PLXNA1: variants seen among roughly 807,000 people sequenced by gnomAD.
PLXNA1 encodes plexin A1.
In PLXNA1, 77 loss-of-function variants were observed where a neutral mutation model predicts 191.7. The observed-to-expected ratio is 0.40, with a 90% confidence interval of 0.33 to 0.49. The LOEUF is 0.49. PLXNA1 is among the 20% of genes least tolerant of loss of function. The probability of loss-of-function intolerance (pLI) is 0.63; values close to 1 mark genes in which losing one functional copy is unlikely to be tolerated. For synonymous variants in PLXNA1, 1,137 were observed against 1,156.4 expected, an observed-to-expected ratio of 0.98 and a Z score of 0.34; for missense variants, 2,110 against 2,660.2, an observed-to-expected ratio of 0.79 and a Z score of 4.55.
At chr3:127,033,520 G>C (rs1457155355) in intron 31 of PLXNA1, among the ~76,000 whole-genome samples, 1 of 152,192 alleles carries the variant, frequency 6.6e-6, no homozygotes. Context: ...GAGCAGAGGA[G>C]CAGCCAGAGA....
At chr3:127,003,275 G>A (rs2107626474) in intron 3 of PLXNA1, 55 bp from the exon 4 acceptor site, 1 of 1,506,574 alleles carries the variant, frequency 6.6e-7, no homozygotes, top group Non-Finnish European at 8.9e-7. Context: ...TGGGGGGTGG[G>A]GCTGGGTCAG....
In PLXNA1 at chr3:127,026,083, C is replaced by T. The variant is rs549432039; in HGVS notation, c.4363-1857C>T. 2.0e-5 allele frequency among the ~76,000 whole-genome samples: 3 copies of T among 152,338 alleles called. No individual in the cohort carries two copies. The South Asian group carries it at 6.2e-4, about 32-fold the overall frequency. On this transcript the variant is annotated intron_variant, in intron 23 of 31. Transcript: ENST00000393409. ...CACTTTTTGTTGGGCAGTTTTTGCA[C>T]ATTCCTGAGTGGGGCTGGGAGGAGT...
chr3:127,020,937 G>A (rs1256599363), intron 21 of PLXNA1, among the ~76,000 whole-genome samples: 1 of 152,220 alleles, frequency 6.6e-6, no homozygotes, highest in Non-Finnish European at 1.5e-5. Flanking sequence ...AGCGAGCCTG[G>A]CGAGGGAAAA....
chr3:127,019,455 C>T (rs1032666653), intron 20 of PLXNA1, among the ~76,000 whole-genome samples: 1 of 152,206 alleles, frequency 6.6e-6, no homozygotes, highest in Non-Finnish European at 1.5e-5. Flanking sequence ...CTCCCTTGTG[C>T]TCCCGCCTGC....
Position 127,029,424 on chromosome 3 carries a change from G to T in PLXNA1, c.4774-16G>T, listed in dbSNP as rs763477061. 4.3e-5 allele frequency: 70 copies of T among 1,612,762 alleles called. No individual in the cohort carries two copies. In the Admixed American group the frequency reaches 7.7e-4, roughly 18 times the overall value. The stretch of plus-strand genomic sequence containing the variant: ...CACCCTGGTGGGTCACAGGGTCCCT[G>T]GCCCTCTGCCCACAGGTGACAGACG... On this transcript the variant is annotated splice_polypyrimidine_tract_variant and intron_variant, in intron 26 of 31. Transcript: ENST00000393409.
intron 9 of PLXNA1, among the ~76,000 whole-genome samples, chr3:127,011,094 G>A (rs964908945): frequency 5.3e-5 from 8 of 152,228 alleles, no homozygotes; most frequent in Non-Finnish European, 1.2e-4. Flanking sequence ...CTGCCAGGGA[G>A]GTACAGCATA....
intron 8 of PLXNA1, among the ~76,000 whole-genome samples, chr3:127,007,413 C>T (rs1271480999): frequency 6.6e-6 from 1 of 152,228 alleles, no homozygotes. Flanking sequence ...CTAAGTTTGC[C>T]AAAAGGAGTC....
rs770056207 is a variant in PLXNA1, at chr3:126,989,686, A to G, written c.1093A>G (p.Ile365Val). 1.2e-6 allele frequency: 2 copies of G among 1,612,992 alleles called. No homozygotes were observed. The highest frequency in any genetic ancestry group is 1.7e-5 in the Admixed American group (1 of 60,008). The part of the protein sequence containing the change: ...SALCLFTLRA[I>V]KEKIKERIQS... Reference sequence around the variant, plus strand: ...ACTGTGCCTGTTCACGCTCAGGGCCATCAAGGAGAAGATTAAGGAGCGCAT... The same window carrying G: ...ACTGTGCCTGTTCACGCTCAGGGCCGTCAAGGAGAAGATTAAGGAGCGCAT... Residue 365 changes from isoleucine to valine, a missense_variant, in exon 2 of 32, where the codon ATC (isoleucine) becomes GTC (valine). This residue lies in a region of PLXNA1 where 903 missense variants were observed against 1,015.7 expected (regional missense o/e 0.89). Transcript: ENST00000393409.
chr3:126,993,312 A>G (rs1298012035), intron 3 of PLXNA1, among the ~76,000 whole-genome samples: 1 of 151,978 alleles, frequency 6.6e-6, no homozygotes, highest in African/African-American at 2.4e-5. Flanking sequence ...TCCTGCCCCC[A>G]TTCCTTCTCC....
Position 127,030,010 on chromosome 3 carries a change from C to G in PLXNA1, c.5007C>G (p.Asp1669Glu). The G allele has an allele frequency of 6.2e-7, 1 of 1,613,752 alleles. No homozygotes were observed. Residue 1669 changes from aspartate to glutamate, a missense_variant, in exon 28 of 32, where the codon GAC becomes GAG. Asp to Glu is a conservative substitution (Grantham distance 45). This residue lies in a region of PLXNA1 where 559 missense variants were observed against 911.5 expected (regional missense o/e 0.61). Coordinates refer to ENST00000393409, the MANE Select transcript of PLXNA1 (RefSeq NM_032242.4). The stretch of plus-strand genomic sequence containing the variant: ...ACCACCTGGACCAGCGTGAGGGTGA[C>G]CGCGGCAGCAAGATGGTCTCGGAGA... Reference protein sequence around the residue: ...NHDHLDQREGDRGSKMVSEIY... With the variant: ...NHDHLDQREGERGSKMVSEIY...
At position 127,014,124 on chromosome 3, in the gene PLXNA1, G is replaced by T; in HGVS notation, c.2410+8G>T. The T allele has an allele frequency of 6.2e-7, 1 of 1,613,496 alleles. No individual in the cohort carries two copies. The highest frequency in any genetic ancestry group is 8.5e-7 in the Non-Finnish European group (1 of 1,179,832). On this transcript the variant is annotated splice_region_variant and intron_variant, in intron 11 of 31. Coordinates refer to ENST00000393409, the MANE Select transcript of PLXNA1 (RefSeq NM_032242.4). ...ACCCACAGAACATCCAGGGTGAGTG[G>T]GCGCCCCGGCGGGGTGGGCAGTGGG... is the stretch of plus-strand genomic sequence containing the variant.
rs1300208592 is a variant in PLXNA1, at chr3:127,028,985, TCC to T, written c.4670-4_4670-3del. On this transcript the variant is annotated splice_polypyrimidine_tract_variant and splice_region_variant and intron_variant, in intron 25 of 31. Coordinates refer to ENST00000393409, the MANE Select transcript of PLXNA1 (RefSeq NM_032242.4). ...GCGGCCCCACCCTCCAGCTCCCTCC[TCC>T]CCCAGAGTGGCGCCAGGGCCGCATG... 1.2e-6 allele frequency: 2 copies of T among 1,609,558 alleles called. No homozygotes were observed. Among genetic ancestry groups the T allele is most frequent in the Non-Finnish European group, 1.7e-6 (2 of 1,178,602 alleles).
intron 3 of PLXNA1, among the ~76,000 whole-genome samples, chr3:127,002,105 C>T (rs1290900779): frequency 1.3e-5 from 2 of 152,220 alleles, no homozygotes; most frequent in African/African-American, 4.8e-5. Context: ...GCTGGGCGGC[C>T]GTGGCCTGGT....
rs775796550 is a variant in PLXNA1, at chr3:127,029,418, G to A, written c.4774-22G>A. The A allele has an allele frequency of 1.9e-6, 3 of 1,611,870 alleles. No individual in the cohort carries two copies. The East Asian group carries it at 6.7e-5, about 36-fold the overall frequency. On this transcript the variant is annotated intron_variant, in intron 26 of 31. Transcript: ENST00000393409. ...CAGGGGCACCCTGGTGGGTCACAGG[G>A]TCCCTGGCCCTCTGCCCACAGGTGA...
intron 10 of PLXNA1, among the ~76,000 whole-genome samples, chr3:127,013,675 C>T (rs1004352500): frequency 6.6e-6 from 1 of 152,226 alleles, no homozygotes; most frequent in East Asian, 1.9e-4. Context: ...CATGCTGATG[C>T]GTATTCTAGG....
chr3:127,014,667 ACGGGG>A lies in PLXNA1; in HGVS notation c.2757-37_2757-33del, dbSNP rs765905695. 5.1e-6 allele frequency: 8 copies of A among 1,554,060 alleles called. No individual in the cohort carries two copies. In the Admixed American group the frequency reaches 1.0e-4, roughly 19 times the overall value. Reference sequence around the variant, plus strand: ...CTGGGTGTGTGCGGGGCGGGACGGGACGGGGCGGGGCTCCTGCAGCCCCTGAGGCC... The same window carrying A: ...CTGGGTGTGTGCGGGGCGGGACGGGACGGGGCTCCTGCAGCCCCTGAGGCC... On this transcript the variant is annotated intron_variant, in intron 13 of 31. Coordinates refer to ENST00000393409, the MANE Select transcript of PLXNA1 (RefSeq NM_032242.4).
intron 21 of PLXNA1, 137 bp from the exon 22 acceptor site, chr3:127,021,948 A>G (rs963644814): frequency 7.6e-7 from 1 of 1,314,774 alleles, no homozygotes; most frequent in Non-Finnish European, 1.0e-6. Context: ...AGTCAGGGCA[A>G]CTTGTCACTT....
chr3:126,983,159 G>A lies in PLXNA1; in HGVS notation c.-202G>A, dbSNP rs2078938784. 6.9e-6 allele frequency among the ~76,000 whole-genome samples: 1 copy of A among 145,436 alleles called. No individual in the cohort carries two copies. The highest frequency in any genetic ancestry group is 2.5e-5 in the African/African-American group (1 of 40,630). On this transcript the variant is annotated 5_prime_UTR_variant, in exon 1 of 32. Transcript: ENST00000393409. ...TGCGCGGCCACGCAGCGGAGCCCGG[G>A]CGCGGCGGCGGCCTCGGCCTGGGCG...
intron 18 of PLXNA1, 37 bp from the exon 19 acceptor site, chr3:127,017,712 C>G: frequency 1.9e-6 from 3 of 1,613,156 alleles, no homozygotes; most frequent in East Asian, 2.2e-5. Flanking sequence ...GAAGAGGCCC[C>G]TCGTCCTGGG....
Sources: gnomAD v4.1 joint callset for allele counts (sites outside exome capture counted in the v4.1 genomes callset) on GRCh38, gnomAD v4.1.1 for gene constraint, gnomAD v4.1.1 regional missense constraint, MANE v1.5 for transcripts, NCBI Gene and HGNC (gene_info 2026-07-23, HGNC 2026-07-21) for gene names.